CNKSR3: variants seen among roughly 807,000 people sequenced by gnomAD.
CNKSR3 encodes connector enhancer of kinase suppressor of ras 3.
CNKSR3 carries 36 observed loss-of-function variants against 67.7 expected under a neutral mutation model. The observed-to-expected ratio is 0.53, with a 90% CI of 0.41 to 0.70. The LOEUF (loss-of-function observed/expected upper bound fraction) is 0.70. CNKSR3 is among the 30% of genes least tolerant of loss of function. The pLI is 0.00. For missense variants in CNKSR3, 630 were observed against 695.2 expected, an observed-to-expected ratio of 0.91 and a Z score of 1.05; for synonymous variants, 281 against 271.4, an observed-to-expected ratio of 1.04 and a Z score of -0.35.
In CNKSR3 at chr6:154,510,068, G is replaced by GTCCAGTCCACCACTTGT; in HGVS notation, c.30_46dup (p.Thr16AsnfsTer63). The GTCCAGTCCACCACTTGT allele has an allele frequency of 6.2e-7, 1 of 1,614,004 alleles. No individual in the cohort carries two copies. The highest frequency in any genetic ancestry group is 8.5e-7 in the Non-Finnish European group (1 of 1,179,958). ...CCCCCCCAAGGCCCGCGCACCTCTA[G>GTCCAGTCCACCACTTGT]TCCAGTCCACCACTTGTTTGGGGCT... is the stretch of plus-strand genomic sequence containing the variant. On this transcript the variant is annotated frameshift_variant, in exon 1 of 13. Transcript: ENST00000607772. LOFTEE classifies it high-confidence loss of function.
chr6:154,403,158 G>A lies in CNKSR3; in HGVS notation c.*3196C>T, dbSNP rs1784735006. ...TAGGGGTAGGTGTTGAGTTGTGTCT[G>A]GGAGAGTTTTAACAATCACTCTTGT... On this transcript the variant is annotated 3_prime_UTR_variant, in exon 13 of 13. Transcript: ENST00000607772. 6.6e-6 allele frequency: 1 copy of A among 152,050 alleles called. No individual in the cohort carries two copies. 9.4% of individuals were successfully genotyped at this position (152,050 alleles called of 1,614,324 possible).
At position 154,399,079 on chromosome 6, in the gene CNKSR3, C is replaced by CA. The variant is rs746545116; in HGVS notation, c.*7274dup. 1,291 of 112,766 alleles carry CA rather than the reference C, an allele frequency of 0.011. 12 individuals are homozygous for CA. Among genetic ancestry groups the CA allele is most frequent in the South Asian group, 0.034 (122 of 3,606 alleles). The allele number at this position is 112,766 out of a possible 1,614,324, so 7.0% of individuals were successfully genotyped here. A position where few individuals can be genotyped will look rare whatever the true frequency, so the allele number is the denominator to read the frequency against. On this transcript the variant is annotated 3_prime_UTR_variant, in exon 13 of 13. Transcript: ENST00000607772. The stretch of plus-strand genomic sequence containing the variant: ...GGGCAACAAGACTGAAACTCCGTCT[C>CA]AAAAAAAAAAAAAAAAGTGTGTCCA...
chr6:154,509,947 G>A (rs927464959), intron 1 of CNKSR3, 116 bp downstream of exon 1: 28 of 1,107,648 alleles, frequency 2.5e-5, no homozygotes, highest in Non-Finnish European at 3.3e-5. Flanking sequence ...ATTGTCACCG[G>A]GCTGTGCCCT....
At chr6:154,436,458 G>A (rs1785474202) in intron 4 of CNKSR3, among the ~76,000 whole-genome samples, 1 of 152,190 alleles carries the variant, frequency 6.6e-6, no homozygotes, top group Non-Finnish European at 1.5e-5. Flanking sequence ...ATTGAGCCTG[G>A]CAGGCTTGTT....
intron 1 of CNKSR3, among the ~76,000 whole-genome samples, chr6:154,499,632 A>T (rs7767395): frequency 0.42 from 64,387 of 151,926 alleles, 14,300 homozygotes; most frequent in African/African-American, 0.57. Context: ...GGGTTTTTTT[A>T]ATGTGGGGGG....
intron 9 of CNKSR3, 45 bp from the exon 10 acceptor site, chr6:154,414,468 C>A: frequency 6.4e-7 from 1 of 1,555,356 alleles, no homozygotes; most frequent in South Asian, 1.2e-5. Context: ...GAGATCAATT[C>A]AGAGATGATT....
chr6:154,460,887 A>G (rs1786065780), intron 1 of CNKSR3, among the ~76,000 whole-genome samples: 1 of 152,102 alleles, frequency 6.6e-6, no homozygotes, highest in African/African-American at 2.4e-5. Flanking sequence ...AGCTGCACCC[A>G]TTGCTTGAGT....
In CNKSR3 at chr6:154,398,649, G is replaced by A. The variant is rs1384690029; in HGVS notation, c.*7705C>T. The stretch of plus-strand genomic sequence containing the variant: ...AGGAATACCACTTCAAGATGGGAAT[G>A]GGAGGCAAAAATAATTCAGCCAACT... On this transcript the variant is annotated 3_prime_UTR_variant, in exon 13 of 13. Transcript: ENST00000607772. The A allele has an allele frequency of 1.3e-5, 2 of 152,186 alleles. No individual in the cohort carries two copies. Among genetic ancestry groups the A allele is most frequent in the Non-Finnish European group, 2.9e-5 (2 of 68,026 alleles). The allele number at this position is 152,186 out of a possible 1,614,324, so 9.4% of individuals were successfully genotyped here.
chr6:154,493,232 T>C (rs952746482), intron 1 of CNKSR3, among the ~76,000 whole-genome samples: 1 of 152,174 alleles, frequency 6.6e-6, no homozygotes, highest in African/African-American at 2.4e-5. Flanking sequence ...ATTAGCCACA[T>C]TGCTCTGTGA....
intron 4 of CNKSR3, among the ~76,000 whole-genome samples, chr6:154,438,545 T>C (rs1031475612): frequency 2.6e-5 from 4 of 152,066 alleles, no homozygotes; most frequent in Non-Finnish European, 4.4e-5. Flanking sequence ...ATTCTGTAAA[T>C]GAGAAAATTG....
intron 6 of CNKSR3, among the ~76,000 whole-genome samples, chr6:154,429,620 G>A (rs1785323842): frequency 6.6e-6 from 1 of 152,162 alleles, no homozygotes; most frequent in Non-Finnish European, 1.5e-5. Flanking sequence ...ATGTGGGCCT[G>A]TCAACAATTG....
rs541816336 is a variant in CNKSR3 at position 154,437,964 on chromosome 6, A to G, written c.507+3328T>C. On this transcript the variant is annotated intron_variant, in intron 4 of 12. Transcript: ENST00000607772. ...ACAAGGCAAGATTTTTGTATTTCCT[A>G]CCACAGTCTACTCCTTCTGAAGCAG... is the stretch of plus-strand genomic sequence containing the variant. 1.6e-4 allele frequency among the ~76,000 whole-genome samples: 25 copies of G among 152,130 alleles called. 1 individual carries two copies. The South Asian group carries it at 4.8e-3, about 29-fold the overall frequency.
chr6:154,406,444 C>A lies in CNKSR3; in HGVS notation c.1578G>T (p.Lys526Asn), dbSNP rs1209760782. ...ACTTCGTAGCTGAGGAGCCAGATTT[C>A]TTTTTGGTCCCTTCCTCCTGGAATG... ...TIPFQEEGTK[K>N]KSGSSATKSS... Residue 526 changes from lysine to asparagine, a missense_variant, in exon 13 of 13, where the codon AAG (lysine) becomes AAT (asparagine). Lys to Asn is a moderately conservative substitution (Grantham distance 94, BLOSUM62 0). Coordinates refer to ENST00000607772, the MANE Select transcript of CNKSR3 (RefSeq NM_173515.4). The A allele has an allele frequency of 5.0e-6, 8 of 1,614,154 alleles. No homozygotes were observed. The highest frequency in any genetic ancestry group is 2.2e-5 in the South Asian group (2 of 91,080).
At chr6:154,505,785 C>A (rs1350291486) in intron 1 of CNKSR3, among the ~76,000 whole-genome samples, 1 of 148,702 alleles carries the variant, frequency 6.7e-6, no homozygotes, top group Non-Finnish European at 1.5e-5. Flanking sequence ...CAGGCGTGAG[C>A]CACCGCGCCT....
chr6:154,441,266 G>GAAAAAT, intron 4 of CNKSR3, 26 bp downstream of exon 4: 1 of 714,002 alleles, frequency 1.4e-6, no homozygotes, highest in Non-Finnish European at 2.0e-6. Flanking sequence ...AAAAAAAAAA[G>GAAAAAT]AAAGTGAAAA....
intron 4 of CNKSR3, among the ~76,000 whole-genome samples, chr6:154,440,380 G>GA (rs1335935811): frequency 6.6e-6 from 1 of 152,170 alleles, no homozygotes; most frequent in Non-Finnish European, 1.5e-5. Context: ...AGTGGGACGT[G>GA]AAAAAACAAC....
chr6:154,485,767 G>A (rs1244818899), intron 1 of CNKSR3, among the ~76,000 whole-genome samples: 2 of 152,206 alleles, frequency 1.3e-5, no homozygotes, highest in Non-Finnish European at 2.9e-5. Flanking sequence ...CAACTCTGGT[G>A]ACTAAGGAAC....
chr6:154,443,404 T>C (rs1785643496), intron 2 of CNKSR3, among the ~76,000 whole-genome samples: 2 of 152,064 alleles, frequency 1.3e-5, no homozygotes, highest in Admixed American at 1.3e-4. Context: ...CAGTAGTACC[T>C]CCTCCCCCGG....
Position 154,390,239 on chromosome 6 carries a change from C to G in CNKSR3, c.*16115G>C, listed in dbSNP as rs967084478. ...GCCTTAGCCCCAGCCTGTGCCTGAC[C>G]AACTCACCTAGGCTACCAAGTTCCC... On this transcript the variant is annotated 3_prime_UTR_variant, in exon 13 of 13. Coordinates refer to ENST00000607772, the MANE Select transcript of CNKSR3 (RefSeq NM_173515.4). 1 of 152,188 alleles carries G rather than the reference C, an allele frequency of 6.6e-6. No homozygotes were observed. The highest frequency in any genetic ancestry group is 2.4e-5 in the African/African-American group (1 of 41,422). The allele number at this position is 152,188 out of a possible 1,614,324, so 9.4% of individuals were successfully genotyped here. A position where few individuals can be genotyped will look rare whatever the true frequency, so the allele number is the denominator to read the frequency against.
Sources: gnomAD v4.1 joint callset for allele counts (sites outside exome capture counted in the v4.1 genomes callset) on GRCh38, gnomAD v4.1.1 for gene constraint, MANE v1.5 for transcripts, NCBI Gene and HGNC (gene_info 2026-07-23, HGNC 2026-07-21) for gene names.